The following RIPOR3 variants were observed in gnomAD, a reference collection of about 807,000 sequenced individuals.
RIPOR3 encodes the protein RIPOR family member 3, also known as family with sequence similarity 65 member C.
A neutral mutation model predicts 114.3 loss-of-function variants in RIPOR3; 95 were observed. That is an observed-to-expected ratio of 0.83 (90% CI 0.70 to 0.99). RIPOR3 has a LOEUF of 0.99. Ranked by LOEUF, RIPOR3 falls within the 50% of genes least tolerant of loss-of-function variation. The pLI is 0.00. For missense variants in RIPOR3, 1,252 were observed against 1,266.9 expected, an observed-to-expected ratio of 0.99 and a Z score of 0.18; for synonymous variants, 575 against 543.8, an observed-to-expected ratio of 1.06 and a Z score of -0.80.
intron 1 of RIPOR3, among the ~76,000 whole-genome samples, chr20:50,660,749 C>CTTT (rs58201824): frequency 1.6e-3 from 132 of 83,264 alleles, no homozygotes; most frequent in African/African-American, 3.5e-3. Flanking sequence ...TGGGATTTAC[C>CTTT]TTTTTTTTTT....
chr20:50,672,383 G>C (rs1339072397), intron 1 of RIPOR3, among the ~76,000 whole-genome samples: 1 of 152,154 alleles, frequency 6.6e-6, no homozygotes, highest in Non-Finnish European at 1.5e-5. Context: ...AGGAGGCATG[G>C]CCAGGCAGCC....
At position 50,592,356 on chromosome 20, in the gene RIPOR3, G is replaced by A; in HGVS notation, c.2565C>T (p.Ser855=). Residue 855 remains serine (S), a synonymous_variant, in exon 19 of 22, where the codon AGC becomes AGT. Transcript: ENST00000327979. ...ARLAGAVRNR[S]FREKALLFYT... ...CTGGACAACGTACCTTTTCCCGGAA[G>A]CTTCTGTTCCTGACTGCACCAGCCA... is the stretch of plus-strand genomic sequence containing the variant. 6.4e-7 allele frequency: 1 copy of A among 1,573,306 alleles called. No individual in the cohort carries two copies. Among genetic ancestry groups the A allele is most frequent in the Non-Finnish European group, 8.7e-7 (1 of 1,154,530 alleles).
chr20:50,679,481 G>A (rs942041535), intron 1 of RIPOR3, among the ~76,000 whole-genome samples: 3 of 150,768 alleles, frequency 2.0e-5, no homozygotes, highest in African/African-American at 7.3e-5. Context: ...CATCTCCACT[G>A]GTGCAGTGGC....
intron 1 of RIPOR3, among the ~76,000 whole-genome samples, chr20:50,652,701 G>A (rs961123521): frequency 6.6e-6 from 1 of 151,918 alleles, no homozygotes; most frequent in Non-Finnish European, 1.5e-5. Flanking sequence ...CTTGACCGAA[G>A]TCCTGACGGC....
At chr20:50,642,793 A>T (rs2085251949) in intron 1 of RIPOR3, among the ~76,000 whole-genome samples, 1 of 152,136 alleles carries the variant, frequency 6.6e-6, no homozygotes, top group South Asian at 2.1e-4. Context: ...TCACGCCTGT[A>T]ACCCCAGCAC....
intron 4 of RIPOR3, chr20:50,614,668 C>T (rs2084097741): frequency 1.2e-5 from 2 of 170,364 alleles, no homozygotes; most frequent in Non-Finnish European, 1.5e-5. Context: ...TTAAAATTTC[C>T]AATCAACAAG....
At chr20:50,597,882 G>A (rs1384050590) in intron 13 of RIPOR3, among the ~76,000 whole-genome samples, 172 bp from the exon 14 acceptor site, 7 of 152,198 alleles carry the variant, frequency 4.6e-5, no homozygotes, top group African/African-American at 9.6e-5. Context: ...GGCACTGGGC[G>A]TGTCACCCCC....
chr20:50,604,496 G>A lies in RIPOR3; in HGVS notation c.1086+149C>T, dbSNP rs904775902. 1.1e-5 allele frequency: 13 copies of A among 1,209,626 alleles called. No homozygotes were observed. The African/African-American group carries it at 1.3e-4, about 12-fold the overall frequency. 74.9% of individuals were successfully genotyped at this position (1,209,626 alleles called of 1,614,324 possible). ...GAGGCTGGCAGCAGAGGAAGAAAGT[G>A]CACAGGAAAACACCCAGGATCGCCT... On this transcript the variant is annotated intron_variant, in intron 12 of 21. Coordinates refer to ENST00000327979, the MANE Select transcript of RIPOR3 (RefSeq NM_001290268.2).
At chr20:50,624,994 G>A (rs1047077282) in intron 2 of RIPOR3, among the ~76,000 whole-genome samples, 45 of 152,246 alleles carry the variant, frequency 3.0e-4, no homozygotes, top group African/African-American at 7.2e-4. Context: ...GGTGCCTGGC[G>A]GTGCTGGCCA....
chr20:50,675,120 G>A (rs2086641443), intron 1 of RIPOR3, among the ~76,000 whole-genome samples: 1 of 152,094 alleles, frequency 6.6e-6, no homozygotes, highest in African/African-American at 2.4e-5. Context: ...CAAAGATGGT[G>A]CAGCCGCAAG....
intron 2 of RIPOR3, chr20:50,620,971 G>A (rs6096030): frequency 0.096 from 51,179 of 531,694 alleles, 3,534 homozygotes; most frequent in East Asian, 0.21. Flanking sequence ...AGGCCCTCAA[G>A]TTCATCAAGG....
intron 1 of RIPOR3, among the ~76,000 whole-genome samples, chr20:50,646,237 C>G (rs1040105793): frequency 6.6e-6 from 1 of 152,210 alleles, no homozygotes; most frequent in Non-Finnish European, 1.5e-5. Context: ...CAGTGATCCT[C>G]CTGCCTCAGC....
chr20:50,596,804 C>A (rs1309206566), intron 14 of RIPOR3, among the ~76,000 whole-genome samples: 1 of 152,162 alleles, frequency 6.6e-6, no homozygotes, highest in Non-Finnish European at 1.5e-5. Flanking sequence ...TCTGCTCTTC[C>A]ATGTGGTGAG....
chr20:50,675,630 G>A (rs1170640810), intron 1 of RIPOR3, among the ~76,000 whole-genome samples: 1 of 152,204 alleles, frequency 6.6e-6, no homozygotes, highest in Non-Finnish European at 1.5e-5. Flanking sequence ...GAGGAAACAG[G>A]TTCAGGCAGG....
At chr20:50,622,263 C>A (rs1363783852) in intron 2 of RIPOR3, among the ~76,000 whole-genome samples, 1 of 151,266 alleles carries the variant, frequency 6.6e-6, no homozygotes, top group Admixed American at 6.6e-5. Context: ...CTCACTGCAA[C>A]CTCCACCTCC....
chr20:50,587,854 C>T lies in RIPOR3; in HGVS notation c.2700G>A (p.Gln900=), dbSNP rs756959501. 1 of 1,614,184 alleles carries T rather than the reference C, an allele frequency of 6.2e-7. No homozygotes were observed. The highest frequency in any genetic ancestry group is 1.1e-5 in the South Asian group (1 of 91,092). The change falls in exon 21 of 22, where the codon CAG becomes CAA. Residue 900 remains glutamine (Q), a synonymous_variant. Coordinates refer to ENST00000327979, the MANE Select transcript of RIPOR3 (RefSeq NM_001290268.2). ...ESIDQTASLC[Q]SDLEAVRAAA... Reference sequence around the variant, plus strand: ...CCGCCCGCACGGCCTCCAGGTCAGACTGGCACAGGCTGGCAGTCTGGTCGA... The same window carrying T: ...CCGCCCGCACGGCCTCCAGGTCAGATTGGCACAGGCTGGCAGTCTGGTCGA...
At chr20:50,627,668 G>C (rs953424744) in intron 2 of RIPOR3, among the ~76,000 whole-genome samples, 6 of 151,988 alleles carry the variant, frequency 3.9e-5, no homozygotes, top group Non-Finnish European at 5.9e-5. Context: ...GGGCGAGAGA[G>C]AGAAACTGTC....
chr20:50,682,767 G>A (rs958514493), intron 1 of RIPOR3, among the ~76,000 whole-genome samples: 4 of 147,314 alleles, frequency 2.7e-5, no homozygotes, highest in African/African-American at 1.0e-4. Context: ...CGCACTCATC[G>A]CCCAGGCTGG....
chr20:50,691,308 C>T lies in RIPOR3; in HGVS notation c.-180G>A. The T allele has an allele frequency of 1.4e-6, 1 of 728,688 alleles. No individual in the cohort carries two copies. Among genetic ancestry groups the T allele is most frequent in the Non-Finnish European group, 2.0e-6 (1 of 502,542 alleles). 45.1% of individuals were successfully genotyped at this position (728,688 alleles called of 1,614,324 possible). The stretch of plus-strand genomic sequence containing the variant: ...CGCTGGTCCCGCTCTCTGGGAAGAT[C>T]GCCTTGAGGACCTGCTGCGCCCCGA... On this transcript the variant is annotated 5_prime_UTR_variant, in exon 1 of 22. Transcript: ENST00000327979.
Sources: gnomAD v4.1 joint callset for allele counts (sites outside exome capture counted in the v4.1 genomes callset) on GRCh38, gnomAD v4.1.1 for gene constraint, MANE v1.5 for transcripts, NCBI Gene and HGNC (gene_info 2026-07-23, HGNC 2026-07-21) for gene names.